CNTNAP2: variants seen among roughly 807,000 people sequenced by gnomAD.
The protein encoded by CNTNAP2 is contactin-associated protein-like 2.
Under a neutral mutation model 155.2 loss-of-function variants are expected in CNTNAP2, and 98 were observed. The ratio of observed to expected loss-of-function variants is 0.63; its 90% CI spans 0.54 to 0.75. CNTNAP2 has a LOEUF of 0.75. Ranked by LOEUF, CNTNAP2 falls within the 30% of genes least tolerant of loss-of-function variation. The pLI, the probability that CNTNAP2 is intolerant of heterozygous loss-of-function variation, is 0.00. For missense variants in CNTNAP2, 1,727 were observed against 1,688.1 expected, an observed-to-expected ratio of 1.02 and a Z score of -0.40; for synonymous variants, 651 against 631.2, an observed-to-expected ratio of 1.03 and a Z score of -0.47.
chr7:147,878,765 G>T (rs561957588), intron 13 of CNTNAP2, among the ~76,000 whole-genome samples: 1 of 152,284 alleles, frequency 6.6e-6, no homozygotes. Context: ...TTCAACATGA[G>T]ATAGTTTTCT....
intron 13 of CNTNAP2, among the ~76,000 whole-genome samples, chr7:147,838,696 C>T (rs1413656602): frequency 3.9e-5 from 6 of 152,190 alleles, no homozygotes; most frequent in African/African-American, 1.4e-4. Context: ...CTGGATTTTA[C>T]TGTCCATATC....
intron 16 of CNTNAP2, among the ~76,000 whole-genome samples, chr7:148,127,919 G>C (rs913741866): frequency 3.9e-5 from 6 of 152,226 alleles, no homozygotes; most frequent in African/African-American, 1.4e-4. Context: ...GCCCAGCCTG[G>C]AGTGCAGTGG....
At chr7:147,333,426 A>G (rs1795610086) in intron 9 of CNTNAP2, among the ~76,000 whole-genome samples, 1 of 152,216 alleles carries the variant, frequency 6.6e-6, no homozygotes, top group South Asian at 2.1e-4. Flanking sequence ...ATAAAAACTT[A>G]GTATATTGTC....
At chr7:146,316,252 T>C (rs1800903468) in intron 1 of CNTNAP2, among the ~76,000 whole-genome samples, 1 of 152,202 alleles carries the variant, frequency 6.6e-6, no homozygotes, top group Non-Finnish European at 1.5e-5. Context: ...TTATTTTTCT[T>C]TCTTGATCTT....
At chr7:148,266,988 G>A (rs1796682597) in intron 20 of CNTNAP2, 45 bp from the exon 21 acceptor site, 2 of 1,563,988 alleles carry the variant, frequency 1.3e-6, no homozygotes, top group South Asian at 2.2e-5. Context: ...TTCCACACAG[G>A]GTAGAGACGT....
At chr7:147,776,921 T>G (rs546633917) in intron 13 of CNTNAP2, among the ~76,000 whole-genome samples, 41 of 152,162 alleles carry the variant, frequency 2.7e-4, no homozygotes, top group African/African-American at 9.4e-4. Context: ...TTCATTTTTA[T>G]TTTTGTAGTA....
In CNTNAP2 at chr7:147,890,972, T is replaced by TG. The variant is rs534488645; in HGVS notation, c.2099-12592dup. On this transcript the variant is annotated intron_variant, in intron 13 of 23. Coordinates refer to ENST00000361727, the MANE Select transcript of CNTNAP2 (RefSeq NM_014141.6). ...TGATAAGTACGTGAGGTAATGCGTA[T>TG]GTTCATTAGCTCCACTGAGCCATTT... 2.0e-4 allele frequency among the ~76,000 whole-genome samples: 31 copies of TG among 152,340 alleles called. No homozygotes were observed. The East Asian group carries it at 5.8e-3, about 28-fold the overall frequency.
intron 3 of CNTNAP2, among the ~76,000 whole-genome samples, chr7:147,029,473 A>G (rs758520590): frequency 6.6e-6 from 1 of 152,160 alleles, no homozygotes; most frequent in Admixed American, 6.5e-5. Context: ...AGCAAACACC[A>G]TCTATTAGAG....
chr7:147,651,167 C>T (rs1266299918), intron 13 of CNTNAP2, among the ~76,000 whole-genome samples: 1 of 152,062 alleles, frequency 6.6e-6, no homozygotes, highest in East Asian at 1.9e-4. Context: ...TATGCAACAG[C>T]GGGGCCTGGC....
At chr7:147,813,401 C>A (rs1209423574) in intron 13 of CNTNAP2, among the ~76,000 whole-genome samples, 1 of 152,162 alleles carries the variant, frequency 6.6e-6, no homozygotes, top group African/African-American at 2.4e-5. Context: ...TGTCTCCAAA[C>A]CCTCATGTGT....
intron 2 of CNTNAP2, among the ~76,000 whole-genome samples, chr7:146,800,107 C>A (rs575655056): frequency 1.3e-5 from 2 of 152,148 alleles, no homozygotes; most frequent in African/African-American, 4.8e-5. Context: ...TTTGTAATAA[C>A]TATATTTTTC....
At chr7:148,398,355 A>G (rs2530317) in intron 22 of CNTNAP2, among the ~76,000 whole-genome samples, 141,316 of 152,302 alleles carry the variant, frequency 0.93, 66,443 homozygotes, top group East Asian at 1. Context: ...TCCACAGAGC[A>G]CAGAAGCACA....
intron 11 of CNTNAP2, among the ~76,000 whole-genome samples, chr7:147,559,994 C>G (rs1045896232): frequency 9.2e-5 from 14 of 151,594 alleles, no homozygotes; most frequent in Non-Finnish European, 1.8e-4. Context: ...CATGGAGAAA[C>G]CCCGTCTCCA....
intron 8 of CNTNAP2, among the ~76,000 whole-genome samples, chr7:147,237,161 G>A (rs1240440847): frequency 6.9e-6 from 1 of 145,940 alleles, no homozygotes; most frequent in African/African-American, 2.6e-5. Flanking sequence ...AGACTCCCAG[G>A]TTCAAGCAAT....
At chr7:146,646,798 C>T (rs1799819709) in intron 1 of CNTNAP2, among the ~76,000 whole-genome samples, 1 of 152,144 alleles carries the variant, frequency 6.6e-6, no homozygotes, top group African/African-American at 2.4e-5. Flanking sequence ...AGAAGCTGGT[C>T]TTCTGTGACC....
At chr7:148,382,381 C>T (rs1051560200) in intron 21 of CNTNAP2, among the ~76,000 whole-genome samples, 2 of 152,094 alleles carry the variant, frequency 1.3e-5, no homozygotes, top group South Asian at 2.1e-4. Flanking sequence ...ATTGAGACCC[C>T]GCAGACAGAT....
intron 9 of CNTNAP2, among the ~76,000 whole-genome samples, chr7:147,332,556 AAAT>A (rs1293985777): frequency 1.3e-5 from 2 of 151,994 alleles, no homozygotes; most frequent in African/African-American, 4.8e-5. Flanking sequence ...AAAAAAGAGA[AAAT>A]AATTCTAATA....
At chr7:147,215,374 C>A (rs2116580733) in intron 8 of CNTNAP2, among the ~76,000 whole-genome samples, 1 of 152,300 alleles carries the variant, frequency 6.6e-6, no homozygotes, top group South Asian at 2.1e-4. Flanking sequence ...TCCCCACAAC[C>A]TCTGGCAACA....
chr7:146,724,762 C>A (rs1310112198), intron 1 of CNTNAP2, among the ~76,000 whole-genome samples: 1 of 151,390 alleles, frequency 6.6e-6, no homozygotes, highest in Non-Finnish European at 1.5e-5. Context: ...GTAGCGACAG[C>A]GTTTCACTGT....
Sources: allele counts gnomAD v4.1 joint callset (sites outside exome capture counted in the v4.1 genomes callset), GRCh38; gene constraint gnomAD v4.1.1; transcripts MANE v1.5; gene names NCBI Gene and HGNC (gene_info 2026-07-23, HGNC 2026-07-21).